Variants in TENM3 observed in about 807,000 individuals in gnomAD.
TENM3 encodes the protein teneurin-3.
In TENM3, 63 loss-of-function variants were observed where a neutral mutation model predicts 255.1. That is an observed-to-expected ratio of 0.25 (90% confidence interval 0.20 to 0.30). TENM3 has a LOEUF of 0.30. Ranked by LOEUF, TENM3 falls within the 10% of genes least tolerant of loss-of-function variation. TENM3 has a pLI of 1.00. For synonymous variants in TENM3, 1,306 were observed against 1,322.3 expected (o/e 0.99, Z 0.27); for missense variants, 2,929 against 3,461.1 (o/e 0.85, Z 3.86).
chr4:182,402,676 T>C (rs544760338), intron 3 of TENM3, among the ~76,000 whole-genome samples: 118 of 152,310 alleles, frequency 7.7e-4, no homozygotes, highest in Non-Finnish European at 7.5e-4. Context: ...GCTTCCTGTT[T>C]GCTGCGCTTG....
chr4:181,997,601 A>T, the TENM3 span, among the ~76,000 whole-genome samples: 1 of 152,184 alleles, frequency 6.6e-6, no homozygotes, highest in African/African-American at 2.4e-5. Flanking sequence ...AAAACATGGT[A>T]GTAAAGAGTA....
At chr4:181,844,822 C>T in the TENM3 span, among the ~76,000 whole-genome samples, 5 of 152,158 alleles carry the variant, frequency 3.3e-5, no homozygotes, top group African/African-American at 9.7e-5. Context: ...CTTCCCAGAT[C>T]AATCTAGCTT....
chr4:182,412,631 C>T (rs1434882671), intron 3 of TENM3, among the ~76,000 whole-genome samples: 3 of 151,652 alleles, frequency 2.0e-5, no homozygotes, highest in African/African-American at 4.8e-5. Flanking sequence ...TTTGGGAGGC[C>T]GAGGTGGGCA....
At chr4:181,695,609 A>G in the TENM3 span, among the ~76,000 whole-genome samples, 3 of 152,110 alleles carry the variant, frequency 2.0e-5, no homozygotes, top group Non-Finnish European at 1.5e-5. Flanking sequence ...TCCCAAACTA[A>G]TGCTGAAGAC....
At chr4:181,534,768 C>T in the TENM3 span, among the ~76,000 whole-genome samples, 2 of 152,172 alleles carry the variant, frequency 1.3e-5, no homozygotes, top group African/African-American at 4.8e-5. Context: ...ACTGTTTCTC[C>T]ACCTGGCCCT....
intron 3 of TENM3, among the ~76,000 whole-genome samples, chr4:182,456,549 GA>G (rs1298000984): frequency 6.6e-6 from 1 of 151,958 alleles, no homozygotes; most frequent in African/African-American, 2.4e-5. Context: ...GTTTGAGTAA[GA>G]AAAAAATGTT....
chr4:181,882,220 A>C, the TENM3 span, among the ~76,000 whole-genome samples: 2 of 152,224 alleles, frequency 1.3e-5, no homozygotes, highest in African/African-American at 4.8e-5. Context: ...CGACTCTAAT[A>C]ATAAATTTTA....
chr4:181,568,165 T>C, the TENM3 span, among the ~76,000 whole-genome samples: 1 of 140,256 alleles, frequency 7.1e-6, no homozygotes, highest in Non-Finnish European at 1.5e-5. Context: ...ACTAATACTT[T>C]TTTTTTTTTT....
intron 3 of TENM3, among the ~76,000 whole-genome samples, chr4:182,374,611 C>T (rs915116436): frequency 1.3e-5 from 2 of 152,158 alleles, no homozygotes; most frequent in African/African-American, 4.8e-5. Flanking sequence ...TCTTTCTTCC[C>T]TACATGATAT....
the TENM3 span, among the ~76,000 whole-genome samples, chr4:181,507,264 A>G: frequency 6.6e-6 from 1 of 152,194 alleles, no homozygotes; most frequent in Non-Finnish European, 1.5e-5. Context: ...GAAGAAGCTA[A>G]CATCAACAAT....
chr4:182,733,070 A>G (rs1289584286), intron 16 of TENM3, among the ~76,000 whole-genome samples: 1 of 152,234 alleles, frequency 6.6e-6, no homozygotes, highest in Non-Finnish European at 1.5e-5. Flanking sequence ...GAAATATGTC[A>G]GGTTGCGATG....
the TENM3 span, among the ~76,000 whole-genome samples, chr4:181,509,311 T>C: frequency 1.3e-5 from 2 of 152,144 alleles, no homozygotes; most frequent in East Asian, 3.9e-4. Flanking sequence ...ATTTGTGGGA[T>C]GGAAAATTTG....
intron 3 of TENM3, among the ~76,000 whole-genome samples, chr4:182,519,203 G>A (rs750742142): frequency 2.0e-5 from 3 of 152,112 alleles, no homozygotes; most frequent in Non-Finnish European, 4.4e-5. Context: ...TTATTGTTAT[G>A]TATTGATTCC....
At chr4:181,995,792 T>A in the TENM3 span, among the ~76,000 whole-genome samples, 1 of 152,078 alleles carries the variant, frequency 6.6e-6, no homozygotes. Context: ...GATGAAATAG[T>A]CATCTATTTC....
chr4:182,302,448 A>C (rs1453200782), intron 1 of TENM3, among the ~76,000 whole-genome samples: 2 of 152,200 alleles, frequency 1.3e-5, no homozygotes, highest in Non-Finnish European at 2.9e-5. Context: ...TGTTCAACAG[A>C]CGGATCTACT....
At chr4:181,587,613 C>T in the TENM3 span, among the ~76,000 whole-genome samples, 7 of 152,138 alleles carry the variant, frequency 4.6e-5, no homozygotes, top group Middle Eastern at 3.2e-3. Context: ...CCACCAGTAA[C>T]GGAAGAAATA....
chr4:181,943,983 T>C, the TENM3 span, among the ~76,000 whole-genome samples: 1 of 152,158 alleles, frequency 6.6e-6, no homozygotes, highest in Non-Finnish European at 1.5e-5. Flanking sequence ...GTGTCTCTCA[T>C]GCTCACTAAT....
the TENM3 span, among the ~76,000 whole-genome samples, chr4:181,864,891 T>A: frequency 6.6e-6 from 1 of 152,190 alleles, no homozygotes; most frequent in Non-Finnish European, 1.5e-5. Flanking sequence ...GCAAACCGCG[T>A]CTTTCATTAC....
the TENM3 span, among the ~76,000 whole-genome samples, chr4:182,117,835 TAAG>T: frequency 6.6e-6 from 1 of 152,180 alleles, no homozygotes; most frequent in African/African-American, 2.4e-5. Context: ...AAAAACTTAC[TAAG>T]ATTTAATTGC....
Sources: gnomAD v4.1 joint callset for allele counts (sites outside exome capture counted in the v4.1 genomes callset) on GRCh38, gnomAD v4.1.1 for gene constraint, MANE v1.5 for transcripts, NCBI Gene and HGNC (gene_info 2026-07-23, HGNC 2026-07-21) for gene names.